CALN1: variants seen among roughly 807,000 people sequenced by gnomAD.
CALN1 encodes calcium-binding protein 8.
In CALN1, 17 loss-of-function variants were observed where a neutral mutation model predicts 30.6. That is an observed-to-expected ratio of 0.56 (90% confidence interval 0.38 to 0.83). The LOEUF (loss-of-function observed/expected upper bound fraction) is 0.83, where lower values mean the gene tolerates loss of function less well. CALN1 is among the 40% of genes least tolerant of loss of function. The pLI, the probability that CALN1 is intolerant of heterozygous loss-of-function variation, is 0.00. For missense variants in CALN1, 291 were observed against 354.9 expected (o/e 0.82, Z 1.45); for synonymous variants, 156 against 131.4 (o/e 1.19, Z -1.28).
chr7:72,008,918 C>T (rs567115510), intron 5 of CALN1, among the ~76,000 whole-genome samples: 21 of 152,128 alleles, frequency 1.4e-4, no homozygotes, highest in East Asian at 1.2e-3. Context: ...CGCCTCCCAA[C>T]GTGCCAGGAT....
intron 5 of CALN1, among the ~76,000 whole-genome samples, chr7:71,822,274 G>A (rs555303182): frequency 2.0e-5 from 3 of 151,932 alleles, no homozygotes; most frequent in African/African-American, 4.8e-5. Context: ...CTGAGATGGC[G>A]TTTCGCTCTT....
intron 3 of CALN1, among the ~76,000 whole-genome samples, chr7:72,213,365 A>C (rs1218893594): frequency 1.3e-5 from 2 of 152,204 alleles, no homozygotes; most frequent in African/African-American, 2.4e-5. Context: ...AAGAAGCCTC[A>C]GGCAAAACTT....
At chr7:72,188,173 G>A (rs1448710316) in intron 3 of CALN1, among the ~76,000 whole-genome samples, 1 of 151,638 alleles carries the variant, frequency 6.6e-6, no homozygotes, top group African/African-American at 2.4e-5. Flanking sequence ...ACTGGCACAC[G>A]CATGTTTACA....
chr7:72,196,858 T>C (rs929942149), intron 3 of CALN1, among the ~76,000 whole-genome samples: 3 of 152,204 alleles, frequency 2.0e-5, no homozygotes, highest in African/African-American at 7.2e-5. Context: ...GTTAGTATCA[T>C]GAAACCAGCA....
chr7:72,195,807 A>G (rs1281031330), intron 3 of CALN1, among the ~76,000 whole-genome samples: 2 of 152,228 alleles, frequency 1.3e-5, no homozygotes, highest in East Asian at 3.8e-4. Context: ...AAATGAAGTC[A>G]TTAGAAGTTA....
intron 5 of CALN1, among the ~76,000 whole-genome samples, chr7:71,836,416 T>TGCATCTCTGCAGTGGTGCAATC (rs962766830): frequency 6.6e-6 from 1 of 152,132 alleles, no homozygotes; most frequent in Non-Finnish European, 1.5e-5. Flanking sequence ...GAAAAGACCT[T>TGCATCTCTGCAGTGGTGCAATC]GCATCTCTGC....
At chr7:72,320,147 G>C (rs1004573560) in intron 2 of CALN1, among the ~76,000 whole-genome samples, 14 of 151,942 alleles carry the variant, frequency 9.2e-5, no homozygotes, top group Admixed American at 1.3e-4. Context: ...AAAAAACAAA[G>C]AGCAGACTGT....
chr7:72,106,657 G>A (rs1045659062), intron 3 of CALN1, among the ~76,000 whole-genome samples: 11 of 125,438 alleles, frequency 8.8e-5, no homozygotes, highest in Non-Finnish European at 1.7e-4. Context: ...GGGGGAAAAG[G>A]GAAGGAGGGA....
intron 6 of CALN1, among the ~76,000 whole-genome samples, chr7:71,798,424 CCT>C (rs1001232186): frequency 1.1e-4 from 16 of 151,978 alleles, no homozygotes; most frequent in African/African-American, 1.9e-4. Flanking sequence ...GAGCAATCCC[CCT>C]GTCTCAGTCT....
At chr7:71,812,923 C>CATTATTATTATTATT (rs374759683) in intron 5 of CALN1, among the ~76,000 whole-genome samples, 1 of 81,926 alleles carries the variant, frequency 1.2e-5, no homozygotes, top group African/African-American at 3.5e-5. Flanking sequence ...TATTTATCAT[C>CATTATTATTATTATT]ATCATCATTA....
At chr7:72,173,658 C>T (rs1789134997) in intron 3 of CALN1, among the ~76,000 whole-genome samples, 1 of 152,028 alleles carries the variant, frequency 6.6e-6, no homozygotes, top group South Asian at 2.1e-4. Context: ...TACAAAGGTG[C>T]TAAGGTAATT....
intron 5 of CALN1, among the ~76,000 whole-genome samples, chr7:71,985,859 G>A (rs975559368): frequency 6.6e-6 from 1 of 151,644 alleles, no homozygotes; most frequent in African/African-American, 2.4e-5. Flanking sequence ...CAAAGTGCTG[G>A]GATTACAGGT....
chr7:72,247,249 T>C (rs1212216647), intron 3 of CALN1, among the ~76,000 whole-genome samples: 10 of 118,340 alleles, frequency 8.5e-5, no homozygotes, highest in Admixed American at 1.7e-4. Flanking sequence ...TTTTTTTTTT[T>C]TTTTTTTTTT....
intron 3 of CALN1, among the ~76,000 whole-genome samples, chr7:72,237,318 C>A (rs1470423518): frequency 1.3e-5 from 2 of 152,120 alleles, no homozygotes; most frequent in Non-Finnish European, 2.9e-5. Context: ...AAGGGAAGAT[C>A]AAATGGATTT....
chr7:72,356,593 C>G (rs1172259543), intron 2 of CALN1, among the ~76,000 whole-genome samples: 5 of 151,882 alleles, frequency 3.3e-5, no homozygotes, highest in African/African-American at 1.2e-4. Context: ...AAGTGCCAAT[C>G]TCCCTGAAAG....
chr7:72,343,399 T>G (rs573265238), intron 2 of CALN1, among the ~76,000 whole-genome samples: 2 of 151,910 alleles, frequency 1.3e-5, no homozygotes, highest in African/African-American at 2.4e-5. Context: ...ATACAAAAAA[T>G]TAGCCAGGCA....
chr7:72,483,779 G>A, the CALN1 span, among the ~76,000 whole-genome samples: 1 of 151,416 alleles, frequency 6.6e-6, no homozygotes, highest in African/African-American at 2.4e-5. Context: ...CTGATACTCT[G>A]TTCCTTGTTT....
chr7:72,015,989 C>T (rs749808814), intron 5 of CALN1, among the ~76,000 whole-genome samples: 7 of 152,118 alleles, frequency 4.6e-5, no homozygotes, highest in Non-Finnish European at 1.0e-4. Context: ...TGGCTCACAC[C>T]TGTAATCCCA....
At chr7:72,012,235 C>T (rs896446442) in intron 5 of CALN1, among the ~76,000 whole-genome samples, 1 of 152,080 alleles carries the variant, frequency 6.6e-6, no homozygotes, top group African/African-American at 2.4e-5. Context: ...TACTTTTAAT[C>T]GGCCGGGCAC....
Sources: allele counts gnomAD v4.1 joint callset (sites outside exome capture counted in the v4.1 genomes callset), GRCh38; gene constraint gnomAD v4.1.1; transcripts MANE v1.5; gene names NCBI Gene and HGNC (gene_info 2026-07-23, HGNC 2026-07-21).